FAIM: variants seen among roughly 807,000 people sequenced by gnomAD.
FAIM encodes fas apoptotic inhibitory molecule 1.
FAIM carries 14 observed loss-of-function variants against 21.2 expected under a neutral mutation model. The observed-to-expected ratio is 0.66, with a 90% CI of 0.44 to 1.03. The LOEUF is 1.03. Among genes scored for constraint, FAIM ranks in the 50% least tolerant of loss-of-function variants. The pLI is 0.00. For missense variants in FAIM, 222 were observed against 247.1 expected, an observed-to-expected ratio of 0.90 and a Z score of 0.68; for synonymous variants, 86 against 80.4, an observed-to-expected ratio of 1.07 and a Z score of -0.37.
chr3:138,623,400 C>T (rs528316430), intron 4 of FAIM, among the ~76,000 whole-genome samples: 2 of 152,238 alleles, frequency 1.3e-5, no homozygotes, highest in Non-Finnish European at 2.9e-5. Context: ...CTCACTTTGT[C>T]GCCCAGGCTG....
intron 5 of FAIM, 138 bp downstream of exon 5, chr3:138,629,294 G>A: frequency 1.6e-6 from 1 of 624,528 alleles, no homozygotes; most frequent in South Asian, 2.3e-5. Flanking sequence ...AAGTACTCCT[G>A]ACTTCAGATT....
chr3:138,614,902 T>C lies in FAIM; in HGVS notation c.-16-4809T>C, dbSNP rs113259300. 3.5e-3 allele frequency among the ~76,000 whole-genome samples: 530 copies of C among 151,776 alleles called. 2 individuals are homozygous for C. Among genetic ancestry groups the C allele is most frequent in the African/African-American group, 0.012 (507 of 41,372 alleles). ...GCTGCAGTGAGCATTGAATATACCA[T>C]TGCACTCCAGCCTGGGCAGCAGAAC... On this transcript the variant is annotated intron_variant, in intron 1 of 5. Transcript: ENST00000360570.
chr3:138,609,926 GAA>G (rs754710095), intron 1 of FAIM, among the ~76,000 whole-genome samples: 2 of 152,096 alleles, frequency 1.3e-5, no homozygotes, highest in Non-Finnish European at 2.9e-5. Flanking sequence ...ATGGCCCTCA[GAA>G]AAGTTATTCT....
chr3:138,621,063 A>G (rs1373255864), intron 2 of FAIM: 1 of 170,228 alleles, frequency 5.9e-6, no homozygotes, highest in African/African-American at 2.4e-5. Context: ...CTGGTGGGAG[A>G]AGAATAAAGA....
chr3:138,622,305 T>G lies in FAIM; in HGVS notation c.295T>G (p.Tyr99Asp). 1 of 1,613,996 alleles carries G rather than the reference T, an allele frequency of 6.2e-7. No individual in the cohort carries two copies. The highest frequency in any genetic ancestry group is 8.5e-7 in the Non-Finnish European group (1 of 1,179,970). Residue 99 changes from tyrosine to aspartate, a missense_variant, in exon 4 of 6, where the codon TAT becomes GAT. Transcript: ENST00000360570. Reference sequence around the variant, plus strand: ...CGCTATCAGTGGTTTTGCTTATGAATATACTCTGGAAATTAATGGGAAAAG... The same window carrying G: ...CGCTATCAGTGGTTTTGCTTATGAAGATACTCTGGAAATTAATGGGAAAAG... Reference protein sequence around the residue: ...IDAISGFAYEYTLEINGKSLK... With the variant: ...IDAISGFAYEDTLEINGKSLK...
chr3:138,621,447 G>C lies in FAIM; in HGVS notation c.85G>C (p.Val29Leu). 2 of 1,613,990 alleles carry C rather than the reference G, an allele frequency of 1.2e-6. No homozygotes were observed. Among genetic ancestry groups the C allele is most frequent in the Non-Finnish European group, 1.7e-6 (2 of 1,179,960 alleles). The change falls in exon 3 of 6, where the codon GTT becomes CTT. Residue 29 changes from valine to leucine, a missense_variant. Coordinates refer to ENST00000360570, the MANE Select transcript of FAIM (RefSeq NM_001033031.2). ...AGAAAAAATGACAGATCTCGTAGCT[G>C]TTTGGGATGTTGCTTTAAGTGACGG... ...SLEKMTDLVA[V>L]WDVALSDGVH... is the part of the protein sequence containing the mutation.
chr3:138,622,216 A>G lies in FAIM; in HGVS notation c.206A>G (p.Lys69Arg). 1 of 1,611,866 alleles carries G rather than the reference A, an allele frequency of 6.2e-7. No individual in the cohort carries two copies. Among genetic ancestry groups the G allele is most frequent in the South Asian group, 1.1e-5 (1 of 90,286 alleles). Residue 69 changes from lysine (K) to arginine (R), a missense_variant, in exon 4 of 6, where the codon AAA (lysine) becomes AGA (arginine). Lys to Arg is a conservative substitution (Grantham distance 26, BLOSUM62 2). Coordinates refer to ENST00000360570, the MANE Select transcript of FAIM (RefSeq NM_001033031.2). Reference protein sequence around the residue: ...KEEIRKEWMFKLVGKETFYVG... With the variant: ...KEEIRKEWMFRLVGKETFYVG... ...GAGATAAGAAAAGAGTGGATGTTCA[A>G]ATTAGTGGGCAAAGAAACATTCTAT... is the stretch of plus-strand genomic sequence containing the variant.
At chr3:138,627,665 GCA>G (rs2042952995) in intron 4 of FAIM, among the ~76,000 whole-genome samples, 1 of 152,164 alleles carries the variant, frequency 6.6e-6, no homozygotes, top group Admixed American at 6.5e-5. Context: ...AGCACTGTGT[GCA>G]CTGATCATGT....
chr3:138,612,619 C>G (rs1188108913), intron 1 of FAIM, among the ~76,000 whole-genome samples: 2 of 152,086 alleles, frequency 1.3e-5, no homozygotes, highest in African/African-American at 4.8e-5. Context: ...CATCTTTTGG[C>G]TATTGGAAAA....
chr3:138,622,745 A>G (rs551916942), intron 4 of FAIM, among the ~76,000 whole-genome samples: 50 of 152,220 alleles, frequency 3.3e-4, no homozygotes, highest in African/African-American at 1.2e-3. Flanking sequence ...AGGTTTTAAA[A>G]AAATGTAATA....
At chr3:138,619,865 A>G in intron 2 of FAIM, 95 bp downstream of exon 2, 4 of 1,245,800 alleles carry the variant, frequency 3.2e-6, no homozygotes, top group Non-Finnish European at 3.4e-6. Context: ...TGTTAAGAAT[A>G]CATTTTGTAA....
intron 1 of FAIM, among the ~76,000 whole-genome samples, chr3:138,618,375 A>G (rs1259086528): frequency 6.6e-6 from 1 of 152,070 alleles, no homozygotes; most frequent in Non-Finnish European, 1.5e-5. Context: ...CTTCTTTAAT[A>G]TCTTTTTGGC....
intron 1 of FAIM, among the ~76,000 whole-genome samples, chr3:138,614,969 C>G (rs1052200342): frequency 1.3e-5 from 2 of 152,134 alleles, no homozygotes; most frequent in Non-Finnish European, 2.9e-5. Flanking sequence ...TGTACAGATG[C>G]TTCTTGACTT....
At chr3:138,611,067 A>G (rs1471488716) in intron 1 of FAIM, 1 of 1,510,228 alleles carries the variant, frequency 6.6e-7, no homozygotes, top group African/African-American at 1.4e-5. Context: ...CCTGGTACAT[A>G]AGTACCCAAT....
chr3:138,613,132 A>G (rs1204349899), intron 1 of FAIM, among the ~76,000 whole-genome samples: 2 of 151,002 alleles, frequency 1.3e-5, no homozygotes, highest in African/African-American at 4.9e-5. Flanking sequence ...CTCCTGCCTC[A>G]GCCTCCCGAG....
chr3:138,611,012 G>GT, intron 1 of FAIM: 4 of 1,613,812 alleles, frequency 2.5e-6, no homozygotes, highest in Non-Finnish European at 3.4e-6. Flanking sequence ...TCATCTCTTG[G>GT]TATCTCCGGA....
chr3:138,629,827 C>T (rs2042984671), intron 5 of FAIM: 1 of 152,248 alleles, frequency 6.6e-6, no homozygotes, highest in Non-Finnish European at 1.5e-5. Flanking sequence ...TGTGGCCAGG[C>T]ACACTGAAAT....
chr3:138,614,209 G>T (rs2042801640), intron 1 of FAIM, among the ~76,000 whole-genome samples: 1 of 152,186 alleles, frequency 6.6e-6, no homozygotes, highest in African/African-American at 2.4e-5. Context: ...GGTGGCCGAG[G>T]TGGGAGGATC....
chr3:138,625,033 G>T (rs2042925341), intron 4 of FAIM, among the ~76,000 whole-genome samples: 1 of 151,982 alleles, frequency 6.6e-6, no homozygotes, highest in Non-Finnish European at 1.5e-5. Context: ...AAGTGTAGTG[G>T]CACATGCCTG....
Sources: gnomAD v4.1 joint callset for allele counts (sites outside exome capture counted in the v4.1 genomes callset) on GRCh38, gnomAD v4.1.1 for gene constraint, MANE v1.5 for transcripts, NCBI Gene and HGNC (gene_info 2026-07-23, HGNC 2026-07-21) for gene names.